Variants in HGS observed in about 807,000 individuals in gnomAD.
HGS encodes human growth factor-regulated tyrosine kinase substrate.
HGS carries 63 observed loss-of-function variants against 109.7 expected under a neutral mutation model. The ratio of observed to expected loss-of-function variants is 0.57; its 90% CI spans 0.47 to 0.71. The LOEUF (loss-of-function observed/expected upper bound fraction) is 0.71, where lower values mean the gene tolerates loss of function less well. Ranked by LOEUF, HGS falls within the 30% of genes least tolerant of loss-of-function variation. The pLI, the probability that HGS is intolerant of heterozygous loss-of-function variation, is 0.00. For missense variants in HGS, 995 were observed against 1,068.3 expected (o/e 0.93, Z 0.96); for synonymous variants, 546 against 437.3 (o/e 1.25, Z -3.10).
At chr17:81,699,566 C>T (rs562185050) in intron 18 of HGS, among the ~76,000 whole-genome samples, 1 of 152,314 alleles carries the variant, frequency 6.6e-6, no homozygotes, top group South Asian at 2.1e-4. Flanking sequence ...GCTGGGATTA[C>T]AGGCGCCTGC....
intron 5 of HGS, among the ~76,000 whole-genome samples, chr17:81,689,275 G>A (rs1169534719): frequency 6.6e-6 from 1 of 152,238 alleles, no homozygotes; most frequent in African/African-American, 2.4e-5. Flanking sequence ...CGTGCCAGAG[G>A]AGAGTGCAGC....
chr17:81,691,328 C>G lies in HGS; in HGVS notation c.538-119C>G. On this transcript the variant is annotated intron_variant, in intron 7 of 21. Transcript: ENST00000329138. The surrounding 1 kb of genome is among the most constrained non-coding windows in gnomAD (Gnocchi z 5.3). Reference sequence around the variant, plus strand: ...CTTCCCAGGCACTTGTTCTGCTTGTCCCTTGCCTTCCCCCACCTGTGAGGC... The same window carrying G: ...CTTCCCAGGCACTTGTTCTGCTTGTGCCTTGCCTTCCCCCACCTGTGAGGC... 1 of 1,267,862 alleles carries G rather than the reference C, an allele frequency of 7.9e-7. No individual in the cohort carries two copies. 78.5% of individuals were successfully genotyped at this position (1,267,862 alleles called of 1,614,324 possible).
intron 15 of HGS, 33 bp from the exon 16 acceptor site, chr17:81,696,324 A>T: frequency 6.6e-7 from 1 of 1,516,504 alleles, no homozygotes; most frequent in Non-Finnish European, 8.8e-7. Flanking sequence ...ACTGTGCCGG[A>T]GTGGTCAGGG....
Position 81,701,877 on chromosome 17 carries a change from T to TG in HGS, c.*262dup. ...CTCCCAGGGGAAGCCCCCAGCCCTGTGGGTCATGGTCTGTGAGAGGTGGCA... is the reference window on the plus strand; with the variant it reads ...CTCCCAGGGGAAGCCCCCAGCCCTGTGGGGTCATGGTCTGTGAGAGGTGGCA... On this transcript the variant is annotated 3_prime_UTR_variant, in exon 22 of 22. Coordinates refer to ENST00000329138, the MANE Select transcript of HGS (RefSeq NM_004712.5). 2.3e-6 allele frequency: 1 copy of TG among 430,022 alleles called. No individual in the cohort carries two copies. The highest frequency in any genetic ancestry group is 4.0e-6 in the Non-Finnish European group (1 of 247,288). The allele number at this position is 430,022 out of a possible 1,614,324, so 26.6% of individuals were successfully genotyped here.
At position 81,696,811 on chromosome 17, in the gene HGS, C is replaced by A; in HGVS notation, c.1708-13C>A. 6.2e-7 allele frequency: 1 copy of A among 1,605,480 alleles called. No individual in the cohort carries two copies. The highest frequency in any genetic ancestry group is 1.1e-5 in the South Asian group (1 of 90,738). ...TGAGGACCAACTCTCACCGCTGTCTCTTTTGTCCCCAGCTCCAGGCCATGC... is the reference window on the plus strand; with the variant it reads ...TGAGGACCAACTCTCACCGCTGTCTATTTTGTCCCCAGCTCCAGGCCATGC... On this transcript the variant is annotated splice_polypyrimidine_tract_variant and intron_variant, in intron 17 of 21. Coordinates refer to ENST00000329138, the MANE Select transcript of HGS (RefSeq NM_004712.5).
intron 15 of HGS, 83 bp from the exon 16 acceptor site, chr17:81,696,274 G>A (rs1050572389): frequency 1.2e-5 from 17 of 1,426,936 alleles, no homozygotes; most frequent in African/African-American, 8.6e-5. Flanking sequence ...GGCACAGGGC[G>A]GCCCATCTGC....
Position 81,695,970 on chromosome 17 carries a change from A to C in HGS, c.1364A>C (p.Glu455Ala). 6.4e-7 allele frequency: 1 copy of C among 1,568,808 alleles called. No individual in the cohort carries two copies. The highest frequency in any genetic ancestry group is 8.7e-7 in the Non-Finnish European group (1 of 1,153,540). Reference protein sequence around the residue: ...SINGMHPQLLELLNQLDERRL... With the variant: ...SINGMHPQLLALLNQLDERRL... ...AACGGCATGCACCCGCAGCTGCTGG[A>C]GCTGCTCAACCAGCTGGACGAGCGC... The change falls in exon 15 of 22, where the codon GAG becomes GCG. Residue 455 changes from glutamate to alanine, a missense_variant. This residue lies in a region of HGS where 163 missense variants were observed against 217.8 expected (regional missense o/e 0.75). Coordinates refer to ENST00000329138, the MANE Select transcript of HGS (RefSeq NM_004712.5).
At chr17:81,689,564 C>T (rs984596190) in intron 5 of HGS, among the ~76,000 whole-genome samples, 1 of 152,130 alleles carries the variant, frequency 6.6e-6, no homozygotes, top group Non-Finnish European at 1.5e-5. Context: ...TTCTCTGTGG[C>T]CCTGAGTCTG....
In HGS at chr17:81,691,504, A is replaced by G. The variant is rs755902337; in HGVS notation, c.595A>G (p.Thr199Ala). ...TGGAAAGTGTTCTTCCAAGTACTCC[A>G]CCATCCCCAAGTTTGGCATCGAGAA... ...FCGKCSSKYS[T>A]IPKFGIEKEV... Residue 199 changes from threonine to alanine, a missense_variant, in exon 8 of 22, where the codon ACC becomes GCC. Around this residue, in one of 6 missense-constraint regions of HGS, gnomAD observed 182 missense variants for 261.3 expected, o/e 0.70. Transcript: ENST00000329138. The surrounding 1 kb of genome is among the most constrained non-coding windows in gnomAD (Gnocchi z 5.3). 4 of 1,614,062 alleles carry G rather than the reference A, an allele frequency of 2.5e-6. No individual in the cohort carries two copies. The highest frequency in any genetic ancestry group is 3.4e-6 in the Non-Finnish European group (4 of 1,180,012).
At chr17:81,688,682 A>C (rs756312239) in intron 4 of HGS, 22 bp from the exon 5 acceptor site, 13 of 1,612,104 alleles carry the variant, frequency 8.1e-6, no homozygotes, top group Non-Finnish European at 1.1e-5. Flanking sequence ...TGCGACCCTC[A>C]CCCCCTTCTC....
chr17:81,694,203 G>C (rs962828037), intron 11 of HGS, among the ~76,000 whole-genome samples: 1 of 152,180 alleles, frequency 6.6e-6, no homozygotes, highest in Admixed American at 6.5e-5. Context: ...GGCTGTGGGG[G>C]AGGCGCCTTG....
Position 81,700,708 on chromosome 17 carries a change from AGGCCCCACAGAGCCTCCC to A in HGS, c.2035_2052del (p.Pro679_Ala684del). The A allele has an allele frequency of 6.5e-7, 1 of 1,538,866 alleles. No individual in the cohort carries two copies. The highest frequency in any genetic ancestry group is 8.8e-7 in the Non-Finnish European group (1 of 1,139,942). On this transcript the variant is annotated inframe_deletion, in exon 20 of 22. Transcript: ENST00000329138. ...TTCCCTCCGCAGAACGTGGCCTCCCAGGCCCCACAGAGCCTCCCGGCCATCTCTCAGCCTCCGCAGTCC... is the reference window on the plus strand; with the variant it reads ...TTCCCTCCGCAGAACGTGGCCTCCCAGGCCATCTCTCAGCCTCCGCAGTCC...
In HGS at chr17:81,700,524, C is replaced by G; in HGVS notation, c.1940C>G (p.Ala647Gly). ...YPAGATGAQA[A>G]PQAQAGPTAS... ...GCAGGGGCCACTGGGGCGCAGGCGGCCCCCCAGGCCCAGGCCGGACCCACC... is the reference window on the plus strand; with the variant it reads ...GCAGGGGCCACTGGGGCGCAGGCGGGCCCCCAGGCCCAGGCCGGACCCACC... Residue 647 changes from alanine to glycine, a missense_variant, in exon 19 of 22, where the codon GCC (alanine) becomes GGC (glycine). Around this residue, in one of 6 missense-constraint regions of HGS, gnomAD observed 326 missense variants for 309.7 expected, o/e 1.05. Coordinates refer to ENST00000329138, the MANE Select transcript of HGS (RefSeq NM_004712.5). 2.5e-6 allele frequency: 4 copies of G among 1,607,034 alleles called. No homozygotes were observed. Among genetic ancestry groups the G allele is most frequent in the Non-Finnish European group, 3.4e-6 (4 of 1,176,632 alleles).
intron 18 of HGS, among the ~76,000 whole-genome samples, chr17:81,699,590 TA>T (rs1049596292): frequency 3.4e-4 from 52 of 152,288 alleles, no homozygotes; most frequent in African/African-American, 1.2e-3. Flanking sequence ...CATGCCCAGC[TA>T]GTTTTTGTAT....
rs376397522 is a variant in HGS, at chr17:81,694,870, G to C, written c.975+17G>C. The C allele has an allele frequency of 6.2e-7, 1 of 1,614,196 alleles. No homozygotes were observed. Among genetic ancestry groups the C allele is most frequent in the South Asian group, 1.1e-5 (1 of 91,088 alleles). ...GACCCTGAGGTAAGGCCCAGCATGG[G>C]GTGCATCCTCTCACGGTTTCTGGCC... is the stretch of plus-strand genomic sequence containing the variant. On this transcript the variant is annotated intron_variant, in intron 12 of 21. Transcript: ENST00000329138.
Position 81,691,824 on chromosome 17 carries a change from G to A in HGS, c.662+253G>A, listed in dbSNP as rs1598746279. ...CTGCCCCGACAAACCTGTTGCTTGGGTTTGGGTTTGGGTTTGTTTGCATTT... is the reference window on the plus strand; with the variant it reads ...CTGCCCCGACAAACCTGTTGCTTGGATTTGGGTTTGGGTTTGTTTGCATTT... On this transcript the variant is annotated intron_variant, in intron 8 of 21. Transcript: ENST00000329138. The surrounding 1 kb of genome is among the most constrained non-coding windows in gnomAD (Gnocchi z 5.3). 2.4e-6 allele frequency: 1 copy of A among 411,428 alleles called. No individual in the cohort carries two copies. The highest frequency in any genetic ancestry group is 4.0e-5 in the East Asian group (1 of 24,912). 25.5% of individuals were successfully genotyped at this position (411,428 alleles called of 1,614,324 possible).
In HGS at chr17:81,701,826, C is replaced by A; in HGVS notation, c.*208C>A. On this transcript the variant is annotated 3_prime_UTR_variant, in exon 22 of 22. Coordinates refer to ENST00000329138, the MANE Select transcript of HGS (RefSeq NM_004712.5). ...TAGTCTCTGCTTTCTTTCCCCAGGG[C>A]TGGGCCATGGGGAGGGAAGGACTTT... The A allele has an allele frequency of 1.4e-6, 1 of 699,826 alleles. No homozygotes were observed. Among genetic ancestry groups the A allele is most frequent in the Non-Finnish European group, 2.2e-6 (1 of 463,014 alleles). The allele number at this position is 699,826 out of a possible 1,614,324, so 43.4% of individuals were successfully genotyped here.
At chr17:81,699,587 A>G (rs2037203080) in intron 18 of HGS, among the ~76,000 whole-genome samples, 1 of 152,086 alleles carries the variant, frequency 6.6e-6, no homozygotes, top group Admixed American at 6.6e-5. Flanking sequence ...CACCATGCCC[A>G]GCTAGTTTTT....
intron 4 of HGS, among the ~76,000 whole-genome samples, chr17:81,688,060 T>G (rs1433629397): frequency 6.6e-6 from 1 of 152,098 alleles, no homozygotes; most frequent in African/African-American, 2.4e-5. Flanking sequence ...CCGCTGAGGA[T>G]GCAGAGGGGT....
Sources: allele counts gnomAD v4.1 joint callset (sites outside exome capture counted in the v4.1 genomes callset), GRCh38; gene constraint gnomAD v4.1.1; regional missense constraint gnomAD v4.1.1; non-coding constraint Gnocchi (gnomAD v3.1); transcripts MANE v1.5; gene names NCBI Gene and HGNC (gene_info 2026-07-23, HGNC 2026-07-21).